PUDP: variants seen among roughly 807,000 people sequenced by gnomAD.
PUDP encodes the protein pseudouridine 5'-phosphatase.
Under a neutral mutation model 9.4 loss-of-function variants are expected in PUDP, and 8 were observed. The ratio of observed to expected loss-of-function variants is 0.85; its 90% CI spans 0.50 to 1.53. The LOEUF is 1.53. Among genes scored for constraint, PUDP ranks in the 40% most tolerant of loss-of-function variants. PUDP has a pLI of 0.00. For missense variants in PUDP, 188 were observed against 189.7 expected, an observed-to-expected ratio of 0.99 and a Z score of 0.05; for synonymous variants, 99 against 80.7, an observed-to-expected ratio of 1.23 and a Z score of -1.22.
chrX:7,028,177 C>A (rs1353868741), intron 1 of PUDP, among the ~76,000 whole-genome samples: 1 of 108,293 alleles, frequency 9.2e-6, no homozygotes, highest in Non-Finnish European at 1.9e-5. Flanking sequence ...GACTATATAA[C>A]AAATGATAAT....
chrX:7,139,150 A>G (rs1475870381), intron 1 of PUDP, among the ~76,000 whole-genome samples: 4 of 112,177 alleles, frequency 3.6e-5, no homozygotes, highest in African/African-American at 1.3e-4. Flanking sequence ...TTTACCAATC[A>G]TGTTTTAGAT....
intron 2 of PUDP, 140 bp from the exon 3 acceptor site, chrX:7,077,589 G>A (rs1041316078): frequency 8.5e-6 from 4 of 468,111 alleles, no homozygotes; most frequent in African/African-American, 7.3e-5. Flanking sequence ...AGGACAGATT[G>A]TCTAAAAGCG....
At chrX:6,829,708 C>T (rs761754413) in intron 3 of PUDP, among the ~76,000 whole-genome samples, 2 of 111,736 alleles carry the variant, frequency 1.8e-5, no homozygotes, top group South Asian at 7.5e-4. Flanking sequence ...TGACCTTGAG[C>T]CCATTTTAAA....
intron 3 of PUDP, among the ~76,000 whole-genome samples, chrX:6,754,899 G>A (rs1925152284): frequency 9.0e-6 from 1 of 111,355 alleles, no homozygotes; most frequent in Admixed American, 9.6e-5. Context: ...GTTACACTGT[G>A]AATTCTTGGC....
chrX:6,776,730 C>T (rs986226693), intron 3 of PUDP, among the ~76,000 whole-genome samples: 1 of 111,995 alleles, frequency 8.9e-6, no homozygotes, highest in Non-Finnish European at 1.9e-5. Context: ...TACGCACTTT[C>T]CCACATCCTG....
At chrX:6,923,928 C>T (rs753341999) in intron 3 of PUDP, among the ~76,000 whole-genome samples, 13 of 110,913 alleles carry the variant, frequency 1.2e-4, no homozygotes, top group South Asian at 7.9e-4. Context: ...GTTCAGCCAC[C>T]CTTTCTCCCT....
intron 3 of PUDP, among the ~76,000 whole-genome samples, chrX:6,895,831 T>C (rs1168895704): frequency 3.6e-5 from 4 of 111,439 alleles, no homozygotes; most frequent in African/African-American, 1.3e-4. Context: ...GATCTAGCCA[T>C]GGCAGATTCA....
At chrX:6,899,652 C>T (rs1317527665) in intron 3 of PUDP, among the ~76,000 whole-genome samples, 3 of 106,923 alleles carry the variant, frequency 2.8e-5, no homozygotes, top group South Asian at 4.2e-4. Flanking sequence ...GATTTTAGCT[C>T]GTAAAACAAA....
At chrX:7,005,332 G>C (rs1222943899) in intron 1 of PUDP, among the ~76,000 whole-genome samples, 1 of 111,254 alleles carries the variant, frequency 9.0e-6, no homozygotes, top group African/African-American at 3.3e-5. Context: ...AGGTACAGGA[G>C]TGAGGCAAGG....
intron 3 of PUDP, among the ~76,000 whole-genome samples, chrX:6,733,770 C>T (rs868827444): frequency 4.3e-5 from 2 of 46,263 alleles, no homozygotes; most frequent in African/African-American, 2.1e-4. Context: ...AAAGCAAAGC[C>T]TTTTTTTTTT....
chrX:7,126,482 C>T (rs1284183297), intron 1 of PUDP, among the ~76,000 whole-genome samples: 2 of 111,930 alleles, frequency 1.8e-5, no homozygotes, highest in Non-Finnish European at 3.8e-5. Context: ...AAATGGGTGG[C>T]TTACATAGAA....
intron 3 of PUDP, among the ~76,000 whole-genome samples, chrX:6,900,053 A>T (rs1223976996): frequency 9.0e-6 from 1 of 110,584 alleles, no homozygotes; most frequent in Admixed American, 9.6e-5. Flanking sequence ...TCTTTACAAC[A>T]AATAAAACAA....
At chrX:6,795,154 C>T (rs113764403) in intron 3 of PUDP, among the ~76,000 whole-genome samples, 137 of 110,866 alleles carry the variant, frequency 1.2e-3, no homozygotes, top group African/African-American at 4.3e-3. Context: ...TTTTTCGGCT[C>T]TATTATAATC....
intron 2 of PUDP, among the ~76,000 whole-genome samples, chrX:7,084,270 T>C (rs1409044394): frequency 8.9e-6 from 1 of 112,320 alleles, no homozygotes; most frequent in Non-Finnish European, 1.9e-5. Context: ...CACTCAAGAA[T>C]GAGTCACAAC....
At chrX:6,851,413 TTAAAA>T (rs1205581115) in intron 3 of PUDP, among the ~76,000 whole-genome samples, 4 of 111,442 alleles carry the variant, frequency 3.6e-5, no homozygotes, top group Admixed American at 1.9e-4. Flanking sequence ...TTTGTCATTG[TTAAAA>T]TAAAGTGGGG....
At chrX:7,012,064 A>G (rs1275569891) in intron 1 of PUDP, among the ~76,000 whole-genome samples, 3 of 112,604 alleles carry the variant, frequency 2.7e-5, no homozygotes, top group Non-Finnish European at 5.6e-5. Flanking sequence ...TATTTATTTC[A>G]GAGAGTTGTA....
intron 3 of PUDP, among the ~76,000 whole-genome samples, chrX:7,058,574 G>A (rs940995726): frequency 8.9e-6 from 1 of 112,072 alleles, no homozygotes; most frequent in African/African-American, 3.2e-5. Context: ...AATTTTGATT[G>A]GCAGTGCTCA....
At chrX:7,025,158 G>A (rs1374032766) in intron 1 of PUDP, among the ~76,000 whole-genome samples, 2 of 111,537 alleles carry the variant, frequency 1.8e-5, no homozygotes, top group African/African-American at 6.5e-5. Context: ...TAAGAGAACT[G>A]TTGTAGGTGT....
Position 6,927,754 on chromosome X carries a change from T to G in PUDP, c.*247+49379A>C, listed in dbSNP as rs746672179. On this transcript the variant is annotated intron_variant and NMD_transcript_variant, in intron 3 of 3. Transcript: ENST00000655425. ...CAACTCCCCAATCAGGTCTAGAAGC[T>G]TATATACCATCTGAGGTTACAGAAA... is the stretch of plus-strand genomic sequence containing the variant. 2.7e-5 allele frequency among the ~76,000 whole-genome samples: 3 copies of G among 111,468 alleles called. No homozygotes were observed. The South Asian group carries it at 1.1e-3, about 43-fold the overall frequency.
Sources: gnomAD v4.1 joint callset for allele counts (sites outside exome capture counted in the v4.1 genomes callset) on GRCh38, gnomAD v4.1.1 for gene constraint, MANE v1.5 for transcripts, NCBI Gene and HGNC (gene_info 2026-07-23, HGNC 2026-07-21) for gene names.